The following PNPLA1 variants were observed in gnomAD, a reference collection of about 807,000 sequenced individuals.
The protein encoded by PNPLA1 is patatin like domain 1, omega-hydroxyceramide transacylase.
PNPLA1 carries 36 observed loss-of-function variants against 51.7 expected under a neutral mutation model. The ratio of observed to expected loss-of-function variants is 0.70; its 90% CI spans 0.53 to 0.92. PNPLA1 has a LOEUF of 0.92. Ranked by LOEUF, PNPLA1 falls within the 40% of genes least tolerant of loss-of-function variation. The probability of loss-of-function intolerance (pLI) is 0.00; values close to 1 mark genes in which losing one functional copy is unlikely to be tolerated. For synonymous variants in PNPLA1, 293 were observed against 280.1 expected (o/e 1.05, Z -0.46); for missense variants, 658 against 682.5 (o/e 0.96, Z 0.40).
chr6:36,300,190 A>T lies in PNPLA1; in HGVS notation c.776-1671A>T, dbSNP rs1158984161. Among the ~76,000 whole-genome samples the T allele has an allele frequency of 2.3e-3, 266 of 116,060 alleles. 11 individuals carry two copies. The South Asian group carries it at 0.05, about 22-fold the overall frequency. 76.1% of individuals were successfully genotyped at this position (116,060 alleles called of 152,430 possible). ...GTGTGTGTGTGTGTGAGAGAGAGAG[A>T]GAGAGAGAGAGAGAGAGAGAGAGAG... is the stretch of plus-strand genomic sequence containing the variant. On this transcript the variant is annotated intron_variant, in intron 5 of 8. Coordinates refer to ENST00000636260, the MANE Select transcript of PNPLA1 (RefSeq NM_001374623.1).
In PNPLA1 at chr6:36,291,374, T is replaced by C; in HGVS notation, c.260T>C (p.Leu87Pro). The C allele has an allele frequency of 1.2e-6, 2 of 1,614,162 alleles. No individual in the cohort carries two copies. Among genetic ancestry groups the C allele is most frequent in the Non-Finnish European group, 1.7e-6 (2 of 1,180,028 alleles). Residue 87 changes from leucine (L) to proline (P), a missense_variant, in exon 2 of 9, where the codon CTG (leucine) becomes CCG (proline). By Grantham distance (98) the Leu-to-Pro change is moderately conservative. Coordinates refer to ENST00000636260, the MANE Select transcript of PNPLA1 (RefSeq NM_001374623.1). ...GTGGCCGAGGTGAAGAAATCCTTCC[T>C]GGGGCCCTTGTCCCCGTCCTGTAAG... The part of the protein sequence containing the change: ...VGVAEVKKSF[L>P]GPLSPSCKMV...
chr6:36,301,147 T>C (rs888610556), intron 5 of PNPLA1, among the ~76,000 whole-genome samples: 2 of 106,452 alleles, frequency 1.9e-5, no homozygotes, highest in Non-Finnish European at 3.4e-5. Flanking sequence ...TTGAGACAGG[T>C]TCTCACTCTG....
chr6:36,287,567 C>T (rs549118819), intron 1 of PNPLA1, among the ~76,000 whole-genome samples: 32 of 152,146 alleles, frequency 2.1e-4, no homozygotes, highest in Non-Finnish European at 3.7e-4. Flanking sequence ...TATGGTAATA[C>T]ATAAATAAGC....
intron 1 of PNPLA1, among the ~76,000 whole-genome samples, chr6:36,263,085 C>A (rs886643549): frequency 2.0e-5 from 3 of 152,094 alleles, no homozygotes; most frequent in Non-Finnish European, 4.4e-5. Context: ...TTTAAAATAA[C>A]CAAGATTTTA....
rs555039736 is a variant in PNPLA1 at position 36,251,095 on chromosome 6, A to T, written c.-81+7834A>T. ...AGGGGCCGTTTCTAGTAAGGTAGGG[A>T]ACCAACAGTTCTGCCTCAAATTTCC... is the stretch of plus-strand genomic sequence containing the variant. On this transcript the variant is annotated intron_variant, in intron 1 of 7. Coordinates refer to the PNPLA1 transcript ENST00000312917. Among the ~76,000 whole-genome samples, 4 of 152,328 alleles carry T rather than the reference A, an allele frequency of 2.6e-5. No individual in the cohort carries two copies. In the South Asian group the frequency reaches 6.2e-4, roughly 24 times the overall value.
At chr6:36,255,151 G>A (rs988742279) in intron 1 of PNPLA1, among the ~76,000 whole-genome samples, 2 of 152,260 alleles carry the variant, frequency 1.3e-5, no homozygotes, top group African/African-American at 2.4e-5. Flanking sequence ...TGGATCACTT[G>A]AGGTCAGGAG....
chr6:36,291,939 G>T (rs1026810373), intron 2 of PNPLA1, among the ~76,000 whole-genome samples: 1 of 152,180 alleles, frequency 6.6e-6, no homozygotes, highest in Non-Finnish European at 1.5e-5. Flanking sequence ...TCAGGGGAGA[G>T]GGGCCCCCAT....
At chr6:36,256,813 A>G (rs566237177) in intron 1 of PNPLA1, among the ~76,000 whole-genome samples, 1 of 152,284 alleles carries the variant, frequency 6.6e-6, no homozygotes, top group Non-Finnish European at 1.5e-5. Context: ...GATTAATAGG[A>G]GAAAAAGCAT....
intron 1 of PNPLA1, among the ~76,000 whole-genome samples, chr6:36,290,963 G>A (rs1770658093): frequency 6.6e-6 from 1 of 152,176 alleles, no homozygotes; most frequent in Non-Finnish European, 1.5e-5. Flanking sequence ...TGGACTTCCA[G>A]GCAGAGTGAC....
intron 5 of PNPLA1, among the ~76,000 whole-genome samples, chr6:36,301,389 G>A (rs12197761): frequency 0.33 from 50,621 of 151,764 alleles, 9,915 homozygotes; most frequent in Admixed American, 0.44. Context: ...GGCCCCTGCC[G>A]CCTCCTCAGC....
chr6:36,272,357 C>T (rs978838812), intron 1 of PNPLA1, among the ~76,000 whole-genome samples: 5 of 152,078 alleles, frequency 3.3e-5, no homozygotes, highest in African/African-American at 1.2e-4. Flanking sequence ...TCTGACAGGA[C>T]GCGGAGCTCA....
rs1169690808 is a variant in PNPLA1 at position 36,270,235 on chromosome 6, C to T, written c.-225C>T. On this transcript the variant is annotated 5_prime_UTR_variant, in exon 1 of 9. Transcript: ENST00000636260. ...GAGCCTTCTGCATCTCATTCTGGGGCCCCTTTCCAACCTTTGGAGTTGCCT... is the reference window on the plus strand; with the variant it reads ...GAGCCTTCTGCATCTCATTCTGGGGTCCCTTTCCAACCTTTGGAGTTGCCT... Among the ~76,000 whole-genome samples the T allele has an allele frequency of 6.6e-6, 1 of 152,238 alleles. No individual in the cohort carries two copies. Among genetic ancestry groups the T allele is most frequent in the Non-Finnish European group, 1.5e-5 (1 of 68,038 alleles).
intron 5 of PNPLA1, among the ~76,000 whole-genome samples, chr6:36,298,887 C>T (rs146181160): frequency 5.9e-5 from 9 of 152,302 alleles, no homozygotes; most frequent in East Asian, 1.9e-4. Context: ...TACAGGCACA[C>T]GCCACCACGT....
At chr6:36,291,580 A>AGGAC in intron 2 of PNPLA1, 28 bp downstream of exon 2, 1 of 225,794 alleles carries the variant, frequency 4.4e-6, no homozygotes, top group South Asian at 5.1e-5. Flanking sequence ...GGAGGGAGGG[A>AGGAC]CACGGAGGGG....
At chr6:36,305,247 C>G (rs1220434671) in intron 6 of PNPLA1, among the ~76,000 whole-genome samples, 4 of 151,966 alleles carry the variant, frequency 2.6e-5, no homozygotes, top group African/African-American at 9.7e-5. Context: ...ATGTGTGGCC[C>G]AAGACAATTC....
chr6:36,302,710 A>T (rs375487727), intron 6 of PNPLA1, among the ~76,000 whole-genome samples: 135 of 152,206 alleles, frequency 8.9e-4, no homozygotes, highest in African/African-American at 3.2e-3. Flanking sequence ...CAGCAAAAGC[A>T]TCACCTGGGA....
intron 6 of PNPLA1, among the ~76,000 whole-genome samples, chr6:36,305,483 A>T (rs1771201640): frequency 1.3e-5 from 2 of 152,302 alleles, no homozygotes; most frequent in African/African-American, 4.8e-5. Context: ...AAGAACCCAC[A>T]TATACTTTAT....
At position 36,294,861 on chromosome 6, in the gene PNPLA1, C is replaced by A. The variant is rs1770810236; in HGVS notation, c.714+462C>A. Among the ~76,000 whole-genome samples the A allele has an allele frequency of 6.6e-6, 1 of 152,126 alleles. No individual in the cohort carries two copies. The highest frequency in any genetic ancestry group is 1.5e-5 in the Non-Finnish European group (1 of 68,016). On this transcript the variant is annotated intron_variant, in intron 4 of 8. Transcript: ENST00000636260. The surrounding 1 kb of genome is among the most constrained non-coding windows in gnomAD (Gnocchi z 4.2). Reference sequence around the variant, plus strand: ...AGAGACTGCATGTGGCCAGCAAAGCCCAAAATAAGTATTTACTATCTGGCC... The same window carrying A: ...AGAGACTGCATGTGGCCAGCAAAGCACAAAATAAGTATTTACTATCTGGCC...
At chr6:36,260,180 A>G (rs1769616828) in intron 1 of PNPLA1, among the ~76,000 whole-genome samples, 1 of 152,034 alleles carries the variant, frequency 6.6e-6, no homozygotes, top group Non-Finnish European at 1.5e-5. Flanking sequence ...AGTCCTAGCT[A>G]CTAGGAGGCT....
Sources: gnomAD v4.1 joint callset for allele counts (sites outside exome capture counted in the v4.1 genomes callset) on GRCh38, gnomAD v4.1.1 for gene constraint, Gnocchi (gnomAD v3.1) non-coding constraint, MANE v1.5 for transcripts, NCBI Gene and HGNC (gene_info 2026-07-23, HGNC 2026-07-21) for gene names.